Variants in NMBR observed in about 807,000 individuals in gnomAD.
NMBR encodes the protein neuromedin B receptor.
Under a neutral mutation model 20.5 loss-of-function variants are expected in NMBR, and 16 were observed. That is an observed-to-expected ratio of 0.78 (90% confidence interval 0.53 to 1.19). NMBR has a LOEUF of 1.19. Ranked by LOEUF, NMBR falls within the 50% of genes most tolerant of loss-of-function variation. The pLI, the probability that NMBR is intolerant of heterozygous loss-of-function variation, is 0.00. For missense variants in NMBR, 582 were observed against 499.1 expected, an observed-to-expected ratio of 1.17 and a Z score of -1.58; for synonymous variants, 212 against 196.6, an observed-to-expected ratio of 1.08 and a Z score of -0.65.
At chr6:142,091,805 C>G (rs543392137) in intron 1 of NMBR, among the ~76,000 whole-genome samples, 4 of 152,152 alleles carry the variant, frequency 2.6e-5, no homozygotes, top group Admixed American at 2.6e-4. Context: ...ATTTTTAATC[C>G]TGAGTATTTG....
intron 1 of NMBR, among the ~76,000 whole-genome samples, chr6:142,140,631 T>C (rs1054263772): frequency 6.6e-6 from 1 of 152,146 alleles, no homozygotes; most frequent in Non-Finnish European, 1.5e-5. Context: ...ATGTATCTTT[T>C]AAAAGCCAGA....
chr6:142,109,385 C>A (rs1372145217), intron 1 of NMBR, among the ~76,000 whole-genome samples: 1 of 151,948 alleles, frequency 6.6e-6, no homozygotes, highest in Non-Finnish European at 1.5e-5. Flanking sequence ...TTTAAAATCT[C>A]CTTCATGTAC....
At chr6:142,107,472 A>C (rs1267541425) in intron 1 of NMBR, among the ~76,000 whole-genome samples, 1 of 152,176 alleles carries the variant, frequency 6.6e-6, no homozygotes, top group Non-Finnish European at 1.5e-5. Flanking sequence ...ATATTGCTAA[A>C]ACCACTTCAT....
chr6:142,133,372 G>A (rs1490259629), intron 1 of NMBR, among the ~76,000 whole-genome samples: 1 of 152,114 alleles, frequency 6.6e-6, no homozygotes, highest in Non-Finnish European at 1.5e-5. Flanking sequence ...AATTCAGGAA[G>A]TGTCTTTAGA....
chr6:142,111,964 T>C (rs945815517), intron 1 of NMBR, among the ~76,000 whole-genome samples: 5 of 152,218 alleles, frequency 3.3e-5, no homozygotes, highest in African/African-American at 1.2e-4. Flanking sequence ...AGCATTTGCT[T>C]ATTCAAAATA....
rs933828204 is a variant in NMBR, at chr6:142,115,663, G to A, written c.-663-26342C>T. 2.0e-5 allele frequency among the ~76,000 whole-genome samples: 3 copies of A among 151,764 alleles called. No homozygotes were observed. The East Asian group carries it at 5.8e-4, about 29-fold the overall frequency. Reference sequence around the variant, plus strand: ...GAAGTGGTGGAAATGGAGAAGAGAGGTAATCTATCACTAGACATGCAAGTA... The same window carrying A: ...GAAGTGGTGGAAATGGAGAAGAGAGATAATCTATCACTAGACATGCAAGTA... On this transcript the variant is annotated intron_variant, in intron 1 of 3. Coordinates refer to ENST00000258042, the MANE Select transcript of NMBR (RefSeq NM_002511.4).
intron 1 of NMBR, among the ~76,000 whole-genome samples, chr6:142,092,927 G>A (rs1777358105): frequency 6.6e-6 from 1 of 152,092 alleles, no homozygotes; most frequent in East Asian, 1.9e-4. Flanking sequence ...GTAAATTAGT[G>A]ATTTAAAGAA....
chr6:142,088,447 T>G lies in NMBR; in HGVS notation c.212A>C (p.Asn71Thr). 1 of 1,614,018 alleles carries G rather than the reference T, an allele frequency of 6.2e-7. No homozygotes were observed. Among genetic ancestry groups the G allele is most frequent in the Non-Finnish European group, 8.5e-7 (1 of 1,179,980 alleles). The change falls in exon 2 of 4, where the codon AAC becomes ACC. Residue 71 changes from asparagine (N) to threonine (T), a missense_variant. Transcript: ENST00000258042. ...NIMLVKIFIT[N>T]SAMRSVPNIF... Reference sequence around the variant, plus strand: ...GTTGGGGACGCTCCTCATGGCGCTGTTGGTGATGAAGATCTTCACCAGCAT... The same window carrying G: ...GTTGGGGACGCTCCTCATGGCGCTGGTGGTGATGAAGATCTTCACCAGCAT...
At chr6:142,146,863 T>A (rs1778447093) in intron 1 of NMBR, among the ~76,000 whole-genome samples, 181 bp downstream of exon 1, 1 of 152,212 alleles carries the variant, frequency 6.6e-6, no homozygotes, top group South Asian at 2.1e-4. Flanking sequence ...ATATGGAATA[T>A]TAATGTGGCA....
chr6:142,145,051 A>C (rs1778410146), intron 1 of NMBR, among the ~76,000 whole-genome samples: 1 of 151,650 alleles, frequency 6.6e-6, no homozygotes, highest in South Asian at 2.1e-4. Context: ...AAAGAAAAAA[A>C]GAAGGAAGGA....
chr6:142,130,140 A>G, intron 1 of NMBR, among the ~76,000 whole-genome samples: 1 of 152,128 alleles, frequency 6.6e-6, no homozygotes, highest in Non-Finnish European at 1.5e-5. Context: ...ATGTACCCCA[A>G]TAATTTTCTG....
At chr6:142,134,616 A>C in intron 1 of NMBR, 1 of 678,638 alleles carries the variant, frequency 1.5e-6, no homozygotes, top group Non-Finnish European at 2.7e-6. Context: ...TCAATCAAGA[A>C]TGCATTCTTC....
intron 3 of NMBR, among the ~76,000 whole-genome samples, chr6:142,077,031 G>A (rs1217541917): frequency 6.6e-6 from 1 of 152,214 alleles, no homozygotes; most frequent in African/African-American, 2.4e-5. Context: ...AGCAGAATGT[G>A]ATGTTCCACA....
intron 2 of NMBR, among the ~76,000 whole-genome samples, chr6:142,082,471 C>A (rs1291001991): frequency 6.6e-6 from 1 of 151,976 alleles, no homozygotes; most frequent in Non-Finnish European, 1.5e-5. Flanking sequence ...TAAGACGCAT[C>A]AATATTCAGA....
intron 3 of NMBR, among the ~76,000 whole-genome samples, chr6:142,077,561 AT>A (rs1006556863): frequency 1.3e-5 from 2 of 152,312 alleles, no homozygotes; most frequent in South Asian, 2.1e-4. Flanking sequence ...TAATTGGGTG[AT>A]TTTTTAAGTC....
rs775927208 is a variant in NMBR at position 142,075,677 on chromosome 6, G to A, written c.1144C>T (p.His382Tyr). The A allele has an allele frequency of 6.2e-7, 1 of 1,612,790 alleles. No individual in the cohort carries two copies. Among genetic ancestry groups the A allele is most frequent in the Non-Finnish European group, 8.5e-7 (1 of 1,179,304 alleles). Reference protein sequence around the residue: ...MVTNSVLLNGHSMKQEMAL With the variant: ...MVTNSVLLNGYSMKQEMAL ...AGTGCCATTTCCTGCTTCATGCTGT[G>A]CCCATTTAGTAAAACAGAATTGGTC... The change falls in exon 4 of 4, where the codon CAC becomes TAC. Residue 382 changes from histidine to tyrosine, a missense_variant. Transcript: ENST00000258042.
intron 1 of NMBR, chr6:142,133,042 G>A (rs11963664): frequency 0.012 from 6,167 of 502,702 alleles, 317 homozygotes; most frequent in African/African-American, 0.11. Context: ...GTAGTGATGA[G>A]TGTTTTCTGC....
intron 1 of NMBR, chr6:142,134,145 A>C: frequency 2.0e-6 from 1 of 508,142 alleles, no homozygotes; most frequent in Non-Finnish European, 3.5e-6. Flanking sequence ...TTTGTTCCTA[A>C]GGATTATGTT....
rs772576129 is a variant in NMBR at position 142,078,865 on chromosome 6, G to GA, written c.460dup (p.Ser154PhefsTer36). ...CACACAGGTCCGCAGCAATGCCCCT[G>GA]ACGTCTGCATGTCCATGGGGTTAAC... On this transcript the variant is annotated frameshift_variant, in exon 3 of 4. Transcript: ENST00000258042. LOFTEE classifies it high-confidence loss of function. The GA allele has an allele frequency of 6.2e-7, 1 of 1,613,580 alleles. No homozygotes were observed. Among genetic ancestry groups the GA allele is most frequent in the Admixed American group, 1.7e-5 (1 of 59,936 alleles).
Sources: gnomAD v4.1 joint callset for allele counts (sites outside exome capture counted in the v4.1 genomes callset) on GRCh38, gnomAD v4.1.1 for gene constraint, MANE v1.5 for transcripts, NCBI Gene and HGNC (gene_info 2026-07-23, HGNC 2026-07-21) for gene names.